SDK2: variants seen among roughly 807,000 people sequenced by gnomAD.
SDK2 encodes sidekick cell adhesion molecule 2, also known as protein sidekick-2.
SDK2 carries 105 observed loss-of-function variants against 253.9 expected under a neutral mutation model. The ratio of observed to expected loss-of-function variants is 0.41; its 90% CI spans 0.35 to 0.49. The LOEUF (loss-of-function observed/expected upper bound fraction) is 0.49, where lower values mean the gene tolerates loss of function less well. Among genes scored for constraint, SDK2 ranks in the 20% least tolerant of loss-of-function variants. The pLI, the probability that SDK2 is intolerant of heterozygous loss-of-function variation, is 0.06. For synonymous variants in SDK2, 1,249 were observed against 1,234.9 expected (o/e 1.01, Z -0.24); for missense variants, 2,608 against 3,003.0 (o/e 0.87, Z 3.07).
chr17:73,439,581 GC>G (rs1392435560), intron 6 of SDK2, among the ~76,000 whole-genome samples: 1 of 152,124 alleles, frequency 6.6e-6, no homozygotes, highest in Non-Finnish European at 1.5e-5. Context: ...TACAGGACAT[GC>G]TCTCCCTCTC....
Position 73,393,701 on chromosome 17 carries a change from C to G in SDK2, c.3757G>C (p.Val1253Leu), listed in dbSNP as rs1304357221. ...DSDTQPRFWL[V>L]EGNSSRSAQL... ...GCACTGCGAGACGAGTTGCCTTCCA[C>G]CAGCCAGAATCGGGGCTGGGTGTCC... is the stretch of plus-strand genomic sequence containing the variant. Residue 1253 changes from valine to leucine, a missense_variant, in exon 27 of 45, where the codon GTG (valine) becomes CTG (leucine). Val to Leu is a conservative substitution (Grantham distance 32). Transcript: ENST00000392650. 3 of 1,592,580 alleles carry G rather than the reference C, an allele frequency of 1.9e-6. No homozygotes were observed. Among genetic ancestry groups the G allele is most frequent in the Non-Finnish European group, 2.6e-6 (3 of 1,164,174 alleles).
chr17:73,551,392 ATGTT>A (rs200475551), intron 1 of SDK2, among the ~76,000 whole-genome samples: 4,185 of 152,214 alleles, frequency 0.027, 89 homozygotes, highest in Non-Finnish European at 0.043. Flanking sequence ...GACATATAAC[ATGTT>A]GCCGGGAGTC....
At position 73,423,438 on chromosome 17, in the gene SDK2, G is replaced by C; in HGVS notation, c.1845C>G (p.Pro615=). 1.3e-6 allele frequency: 2 copies of C among 1,578,922 alleles called. No homozygotes were observed. Among genetic ancestry groups the C allele is most frequent in the Non-Finnish European group, 8.6e-7 (1 of 1,159,874 alleles). ...GGATCAGGGGGCTGTTGCCATCAAA[G>C]GGCTTGGTCCACGTCAGGTTGATGG... The part of the protein sequence containing the change: ...RRAINLTWTK[P]FDGNSPLIRY... The change falls in exon 14 of 45, where the codon CCC becomes CCG. Residue 615 remains proline, a synonymous_variant. Transcript: ENST00000392650.
At chr17:73,551,830 G>C (rs1224161506) in intron 1 of SDK2, among the ~76,000 whole-genome samples, 1 of 152,104 alleles carries the variant, frequency 6.6e-6, no homozygotes, top group Non-Finnish European at 1.5e-5. Context: ...TCCAAACTCA[G>C]CTTCCAAGAG....
intron 9 of SDK2, among the ~76,000 whole-genome samples, chr17:73,434,128 G>A (rs896820171): frequency 2.0e-5 from 3 of 152,242 alleles, no homozygotes; most frequent in Non-Finnish European, 4.4e-5. Context: ...TGCATTTGGG[G>A]GAAACTGAAG....
Position 73,467,865 on chromosome 17 carries a change from C to A in SDK2, c.331+4247G>T, listed in dbSNP as rs139355591. 6.6e-6 allele frequency among the ~76,000 whole-genome samples: 1 copy of A among 152,206 alleles called. No individual in the cohort carries two copies. Among genetic ancestry groups the A allele is most frequent in the Non-Finnish European group, 1.5e-5 (1 of 68,042 alleles). Reference sequence around the variant, plus strand: ...CACAGTAGCAGATGCAGCTTCCCAGCGCTGGTTTCAGGGAGCTGCAGCTGG... The same window carrying A: ...CACAGTAGCAGATGCAGCTTCCCAGAGCTGGTTTCAGGGAGCTGCAGCTGG... On this transcript the variant is annotated intron_variant, in intron 3 of 44. Transcript: ENST00000392650. The surrounding 1 kb of genome is among the most constrained non-coding windows in gnomAD (Gnocchi z 4.1).
chr17:73,440,474 G>A (rs1423960778), intron 6 of SDK2, among the ~76,000 whole-genome samples: 1 of 152,136 alleles, frequency 6.6e-6, no homozygotes, highest in African/African-American at 2.4e-5. Flanking sequence ...CTGCATGCAA[G>A]AGGGCTCGCT....
chr17:73,400,467 C>T (rs1457182179), intron 21 of SDK2, among the ~76,000 whole-genome samples: 1 of 152,100 alleles, frequency 6.6e-6, no homozygotes, highest in African/African-American at 2.4e-5. Flanking sequence ...GGAAATGAGA[C>T]AAGGCAGGGG....
At chr17:73,560,585 C>T (rs1273692356) in intron 1 of SDK2, among the ~76,000 whole-genome samples, 1 of 152,278 alleles carries the variant, frequency 6.6e-6, no homozygotes, top group Non-Finnish European at 1.5e-5. Context: ...AGTGATCCGC[C>T]TGCCTCGGCC....
At chr17:73,369,421 C>T (rs1196951069) in intron 36 of SDK2, among the ~76,000 whole-genome samples, 10 of 152,244 alleles carry the variant, frequency 6.6e-5, no homozygotes, top group African/African-American at 2.4e-4. Context: ...AGACGGCGGG[C>T]AGCGGGAGGC....
rs750464044 is a variant in SDK2 at position 73,361,665 on chromosome 17, T to C, written c.5467+19A>G. 1 of 1,604,398 alleles carries C rather than the reference T, an allele frequency of 6.2e-7. No homozygotes were observed. Among genetic ancestry groups the C allele is most frequent in the South Asian group, 1.1e-5 (1 of 90,778 alleles). On this transcript the variant is annotated intron_variant, in intron 39 of 44. Transcript: ENST00000392650. The surrounding 1 kb of genome is among the most constrained non-coding windows in gnomAD (Gnocchi z 4.1). ...TGAACCGCCGTGTGGAAGACATGCC[T>C]GGTCCGTTGCTCTCCTACCTTCTCC...
intron 1 of SDK2, among the ~76,000 whole-genome samples, chr17:73,610,396 G>GA (rs554249156): frequency 2.0e-5 from 3 of 152,090 alleles, no homozygotes; most frequent in Non-Finnish European, 4.4e-5. Flanking sequence ...CAGAAAGGGG[G>GA]AAAAAAATCA....
At chr17:73,515,953 C>T (rs987054301) in intron 1 of SDK2, among the ~76,000 whole-genome samples, 10 of 152,184 alleles carry the variant, frequency 6.6e-5, no homozygotes, top group Non-Finnish European at 1.3e-4. Context: ...CTCAGAGGTG[C>T]CCCTTTCTGT....
intron 6 of SDK2, among the ~76,000 whole-genome samples, chr17:73,439,814 G>C (rs572589519): frequency 6.6e-6 from 1 of 152,210 alleles, no homozygotes; most frequent in African/African-American, 2.4e-5. Flanking sequence ...CTGGGGGAGA[G>C]GGGGCAGTGC....
At position 73,383,014 on chromosome 17, in the gene SDK2, G is replaced by A. The variant is rs1018400370; in HGVS notation, c.4705+862C>T. On this transcript the variant is annotated intron_variant, in intron 33 of 44. Transcript: ENST00000392650. This position sits in a 1 kb window ranked among gnomAD's most constrained non-coding sequence, Gnocchi z 4.3. The stretch of plus-strand genomic sequence containing the variant: ...ATTACACTCCAGCCTGGGCAACAGA[G>A]CGAGACTCTGTCTAAAAAAACCCAA... Among the ~76,000 whole-genome samples, 5 of 152,188 alleles carry A rather than the reference G, an allele frequency of 3.3e-5. No individual in the cohort carries two copies. Among genetic ancestry groups the A allele is most frequent in the African/African-American group, 1.2e-4 (5 of 41,454 alleles).
chr17:73,448,515 C>A (rs1410644980), intron 4 of SDK2, among the ~76,000 whole-genome samples: 1 of 152,104 alleles, frequency 6.6e-6, no homozygotes, highest in African/African-American at 2.4e-5. Flanking sequence ...CAGGTGCGCG[C>A]CACTACCCCT....
intron 1 of SDK2, among the ~76,000 whole-genome samples, chr17:73,542,577 G>A (rs994023548): frequency 1.3e-5 from 2 of 152,208 alleles, no homozygotes; most frequent in African/African-American, 4.8e-5. Context: ...CTGCTGGGCA[G>A]GCTGGGCCTC....
intron 1 of SDK2, chr17:73,516,778 CA>C (rs1402847011): frequency 3.3e-5 from 5 of 152,278 alleles, no homozygotes. Context: ...GTGGCCTCCG[CA>C]GCTGTTCCTG....
At chr17:73,392,877 C>T (rs530015992) in intron 27 of SDK2, among the ~76,000 whole-genome samples, 1 of 151,934 alleles carries the variant, frequency 6.6e-6, no homozygotes, top group Non-Finnish European at 1.5e-5. Context: ...GCAAACAGGA[C>T]CAGGAGGTTC....
Sources: gnomAD v4.1 joint callset for allele counts (sites outside exome capture counted in the v4.1 genomes callset) on GRCh38, gnomAD v4.1.1 for gene constraint, Gnocchi (gnomAD v3.1) non-coding constraint, MANE v1.5 for transcripts, NCBI Gene and HGNC (gene_info 2026-07-23, HGNC 2026-07-21) for gene names.